Variants in ADD2 observed in about 807,000 individuals in gnomAD.
The protein encoded by ADD2 is adducin 2.
In ADD2, 23 loss-of-function variants were observed where a neutral mutation model predicts 83.0. The ratio of observed to expected loss-of-function variants is 0.28; its 90% CI spans 0.20 to 0.39. ADD2 has a LOEUF of 0.39. Among genes scored for constraint, ADD2 ranks in the 10% least tolerant of loss-of-function variants. The pLI is 1.00. For missense variants in ADD2, 758 were observed against 944.9 expected (o/e 0.80, Z 2.59); for synonymous variants, 375 against 375.4 (o/e 1.00, Z 0.01).
Position 70,661,905 on chromosome 2 carries a change from G to A in ADD2, c.*1520C>T, listed in dbSNP as rs1553365046. 1 of 152,180 alleles carries A rather than the reference G, an allele frequency of 6.6e-6. No homozygotes were observed. The highest frequency in any genetic ancestry group is 2.4e-5 in the African/African-American group (1 of 41,448). 9.4% of individuals were successfully genotyped at this position (152,180 alleles called of 1,614,324 possible). ...TTTCTAGCCAAGTCAGCTGGGACAA[G>A]TCAATTATCATTTTAGGGGGTCAAT... On this transcript the variant is annotated 3_prime_UTR_variant, in exon 16 of 16. Coordinates refer to ENST00000264436, the MANE Select transcript of ADD2 (RefSeq NM_001617.4).
chr2:70,675,688 C>T lies in ADD2; in HGVS notation c.1594-863G>A, dbSNP rs1294355391. The T allele has an allele frequency of 2.8e-5, 28 of 985,336 alleles. No individual in the cohort carries two copies. In the Admixed American group the frequency reaches 3.1e-4, roughly 11 times the overall value. 61.0% of individuals were successfully genotyped at this position (985,336 alleles called of 1,614,324 possible). The stretch of plus-strand genomic sequence containing the variant: ...TGAGCCTGGAGGCTGCCAGTCCTCC[C>T]TGCCCTGGCCCGCCAGGTCTTCTGC... On this transcript the variant is annotated intron_variant, in intron 13 of 15. Transcript: ENST00000264436.
At chr2:70,695,491 C>A (rs945149969) in intron 6 of ADD2, among the ~76,000 whole-genome samples, 1 of 152,066 alleles carries the variant, frequency 6.6e-6, no homozygotes. Context: ...CCAGGCCCAT[C>A]TCCACTCCCT....
At chr2:70,719,594 G>C (rs782351907) in intron 1 of ADD2, among the ~76,000 whole-genome samples, 10 of 152,198 alleles carry the variant, frequency 6.6e-5, no homozygotes, top group Non-Finnish European at 1.2e-4. Flanking sequence ...TAGCAGGATG[G>C]CTGGGCTCAG....
chr2:70,675,844 A>G (rs1553368151), intron 13 of ADD2: 1 of 985,094 alleles, frequency 1.0e-6, no homozygotes, highest in African/African-American at 1.7e-5. Flanking sequence ...ATGGCAGGGG[A>G]GATTTTTGTT....
At chr2:70,708,564 G>A (rs1362888287) in intron 2 of ADD2, among the ~76,000 whole-genome samples, 3 of 152,098 alleles carry the variant, frequency 2.0e-5, no homozygotes, top group African/African-American at 7.2e-5. Context: ...ACATAAGATG[G>A]CACAAAACCT....
rs540699345 is a variant in ADD2 at position 70,663,635 on chromosome 2, C to T, written c.1971G>A (p.Thr657=). ...VVVNGREEEQ[T]AEEILSKGLS... is the part of the protein sequence containing the mutation. ...GGCCTTTGCTGAGGATTTCCTCTGCCGTCTGCTCCTCCTCCCTCCCGTTGA... is the reference window on the plus strand; with the variant it reads ...GGCCTTTGCTGAGGATTTCCTCTGCTGTCTGCTCCTCCTCCCTCCCGTTGA... The change falls in exon 16 of 16, where the codon ACG becomes ACA. Residue 657 remains threonine, a synonymous_variant. Transcript: ENST00000264436. 16 of 1,614,104 alleles carry T rather than the reference C, an allele frequency of 9.9e-6. No individual in the cohort carries two copies. Among genetic ancestry groups the T allele is most frequent in the Admixed American group, 5.0e-5 (3 of 60,008 alleles).
intron 1 of ADD2, among the ~76,000 whole-genome samples, chr2:70,745,290 TA>T (rs1160438731): frequency 1.8e-4 from 26 of 146,714 alleles, no homozygotes; most frequent in Admixed American, 1.0e-3. Context: ...CGTCTCAAAA[TA>T]AAAAAAAAAG....
chr2:70,677,272 C>T lies in ADD2; in HGVS notation c.1504-387G>A, dbSNP rs1036954527. Among the ~76,000 whole-genome samples, 4 of 152,036 alleles carry T rather than the reference C, an allele frequency of 2.6e-5. No individual in the cohort carries two copies. The East Asian group carries it at 5.8e-4, about 22-fold the overall frequency. On this transcript the variant is annotated intron_variant, in intron 12 of 15. Coordinates refer to ENST00000264436, the MANE Select transcript of ADD2 (RefSeq NM_001617.4). ...GGGAGGGTGGTAGAGGAGGGTGACCCAGGAATCTCAACTTTCAACAAGCGC... is the reference window on the plus strand; with the variant it reads ...GGGAGGGTGGTAGAGGAGGGTGACCTAGGAATCTCAACTTTCAACAAGCGC...
intron 1 of ADD2, among the ~76,000 whole-genome samples, chr2:70,732,137 G>T (rs1368144139): frequency 1.3e-5 from 2 of 152,198 alleles, no homozygotes; most frequent in Non-Finnish European, 2.9e-5. Context: ...ACCCAGGCAT[G>T]ATTCTGAAGG....
intron 15 of ADD2, among the ~76,000 whole-genome samples, chr2:70,670,057 C>T (rs974369831): frequency 6.6e-6 from 1 of 152,134 alleles, no homozygotes; most frequent in Non-Finnish European, 1.5e-5. Flanking sequence ...CCAGCTAAGC[C>T]CCAACAACCC....
chr2:70,730,893 G>A (rs782736099), intron 1 of ADD2, among the ~76,000 whole-genome samples: 19 of 152,234 alleles, frequency 1.2e-4, no homozygotes, highest in Non-Finnish European at 2.1e-4. Flanking sequence ...ATATTGCCTA[G>A]GTGTGTAACA....
At chr2:70,682,269 A>G (rs1421714453) in intron 10 of ADD2, among the ~76,000 whole-genome samples, 4 of 152,210 alleles carry the variant, frequency 2.6e-5, no homozygotes, top group Non-Finnish European at 5.9e-5. Flanking sequence ...CTCCTCTCAG[A>G]AAGAGTTTAA....
intron 11 of ADD2, 92 bp downstream of exon 11, chr2:70,678,612 A>C: frequency 2.7e-6 from 4 of 1,473,040 alleles, no homozygotes; most frequent in Non-Finnish European, 3.6e-6. Context: ...CTGGGGCAGG[A>C]GAGGTTTGTT....
rs183493691 is a variant in ADD2 at position 70,685,369 on chromosome 2, C to T, written c.949-1602G>A. Among the ~76,000 whole-genome samples the T allele has an allele frequency of 1.8e-4, 28 of 152,284 alleles. No individual in the cohort carries two copies. The East Asian group carries it at 5.4e-3, about 29-fold the overall frequency. ...GCCCTCCCAGGTGACCCCCGTCACC[C>T]TATGAAGAGAAGGAAGCAAGAATAT... is the stretch of plus-strand genomic sequence containing the variant. On this transcript the variant is annotated intron_variant, in intron 9 of 15. Coordinates refer to ENST00000264436, the MANE Select transcript of ADD2 (RefSeq NM_001617.4).
chr2:70,718,792 T>A (rs980702541), intron 1 of ADD2, among the ~76,000 whole-genome samples: 3 of 152,202 alleles, frequency 2.0e-5, no homozygotes, highest in Non-Finnish European at 2.9e-5. Context: ...ACCCCTCTAG[T>A]TCCAGAGCCT....
At chr2:70,736,324 G>A (rs1239927405) in intron 1 of ADD2, among the ~76,000 whole-genome samples, 2 of 152,216 alleles carry the variant, frequency 1.3e-5, no homozygotes, top group Non-Finnish European at 2.9e-5. Flanking sequence ...ATCAAGTAGT[G>A]TTAAAATGTC....
intron 1 of ADD2, among the ~76,000 whole-genome samples, chr2:70,723,216 A>G (rs180702559): frequency 1.7e-3 from 259 of 152,228 alleles, no homozygotes; most frequent in Admixed American, 4.3e-3. Context: ...ATTTTTCTAA[A>G]CCTCAGGTTC....
At chr2:70,738,217 A>G (rs1286623506) in intron 1 of ADD2, among the ~76,000 whole-genome samples, 1 of 152,210 alleles carries the variant, frequency 6.6e-6, no homozygotes, top group Non-Finnish European at 1.5e-5. Context: ...CCAGTTCAGG[A>G]TGCTGTCTGG....
chr2:70,722,694 T>C lies in ADD2; in HGVS notation c.-153-9510A>G, dbSNP rs531436658. Among the ~76,000 whole-genome samples, 30 of 150,838 alleles carry C rather than the reference T, an allele frequency of 2.0e-4. No individual in the cohort carries two copies. The South Asian group carries it at 4.8e-3, about 24-fold the overall frequency. On this transcript the variant is annotated intron_variant, in intron 1 of 15. Transcript: ENST00000264436. ...AGCCCCCAAACAGGTTTTCACTCAGTGTATATCTCAGTACCTCTGCTGAGG... is the reference window on the plus strand; with the variant it reads ...AGCCCCCAAACAGGTTTTCACTCAGCGTATATCTCAGTACCTCTGCTGAGG...
Sources: allele counts gnomAD v4.1 joint callset (sites outside exome capture counted in the v4.1 genomes callset), GRCh38; gene constraint gnomAD v4.1.1; transcripts MANE v1.5; gene names NCBI Gene and HGNC (gene_info 2026-07-23, HGNC 2026-07-21).